The following MAD1L1 variants were observed in gnomAD, a reference collection of about 807,000 sequenced individuals.
MAD1L1 encodes mitotic arrest deficient 1 like 1, also known as mitotic spindle assembly checkpoint protein MAD1.
A neutral mutation model predicts 96.9 loss-of-function variants in MAD1L1; 95 were observed. The ratio of observed to expected loss-of-function variants is 0.98; its 90% CI spans 0.83 to 1.16. The LOEUF (loss-of-function observed/expected upper bound fraction) is 1.16, where lower values mean the gene tolerates loss of function less well. MAD1L1 is among the 50% of genes most tolerant of loss of function. The pLI is 0.00. For synonymous variants in MAD1L1, 473 were observed against 396.6 expected (o/e 1.19, Z -2.29); for missense variants, 1,007 against 954.4 (o/e 1.06, Z -0.73).
intron 18 of MAD1L1, among the ~76,000 whole-genome samples, chr7:1,860,316 C>A (rs1241950102): frequency 7.3e-6 from 1 of 136,850 alleles, no homozygotes; most frequent in East Asian, 2.3e-4. Flanking sequence ...TGACATCTGG[C>A]GGGGCGGCCT....
chr7:2,121,889 C>T (rs1190796536), intron 11 of MAD1L1, among the ~76,000 whole-genome samples: 1 of 152,206 alleles, frequency 6.6e-6, no homozygotes, highest in Non-Finnish European at 1.5e-5. Flanking sequence ...CAGACCCGTG[C>T]AGCAGCCAGA....
chr7:2,144,386 G>A lies in MAD1L1; in HGVS notation c.1073+4766C>T, dbSNP rs1373320426. Among the ~76,000 whole-genome samples, 8 of 152,324 alleles carry A rather than the reference G, an allele frequency of 5.3e-5. No individual in the cohort carries two copies. In the East Asian group the frequency reaches 1.4e-3, roughly 26 times the overall value. Reference sequence around the variant, plus strand: ...CCCTGGAGCCCTCACGGGGTCCTGAGAGGCCCCGCTCCCGCCACCAGCCCT... The same window carrying A: ...CCCTGGAGCCCTCACGGGGTCCTGAAAGGCCCCGCTCCCGCCACCAGCCCT... On this transcript the variant is annotated intron_variant, in intron 11 of 18. Transcript: ENST00000265854.
At chr7:2,095,612 G>A (rs1359805643) in intron 11 of MAD1L1, among the ~76,000 whole-genome samples, 1 of 152,234 alleles carries the variant, frequency 6.6e-6, no homozygotes, top group African/African-American at 2.4e-5. Flanking sequence ...ACGCAAGGAG[G>A]CGAGGTGGAC....
chr7:2,062,109 A>G (rs1304388996), intron 12 of MAD1L1, among the ~76,000 whole-genome samples: 2 of 151,672 alleles, frequency 1.3e-5, no homozygotes, highest in African/African-American at 4.9e-5. Context: ...GGGTATAGTG[A>G]CAGGCACCTG....
At chr7:1,941,576 C>T (rs775187799) in intron 16 of MAD1L1, among the ~76,000 whole-genome samples, 2 of 152,162 alleles carry the variant, frequency 1.3e-5, no homozygotes, top group South Asian at 2.1e-4. Context: ...GCAAAGCCAC[C>T]GTGTCCGGGC....
intron 11 of MAD1L1, among the ~76,000 whole-genome samples, chr7:2,071,233 G>A (rs1042792352): frequency 3.9e-5 from 6 of 152,180 alleles, no homozygotes; most frequent in East Asian, 1.9e-4. Flanking sequence ...TGAAATAAAG[G>A]ATAAGTTGAA....
rs1186563535 is a variant in MAD1L1 at position 2,222,120 on chromosome 7, C to T, written c.471+455G>A. On this transcript the variant is annotated intron_variant, in intron 5 of 18. Transcript: ENST00000265854. ...ACAGAGTCTTGCTGTGTTGCCCAGG[C>T]TGGAGTGCAATGGTGTGATCTGAGC... Among the ~76,000 whole-genome samples the T allele has an allele frequency of 2.7e-5, 4 of 150,470 alleles. No homozygotes were observed. The South Asian group carries it at 8.4e-4, about 31-fold the overall frequency.
intron 12 of MAD1L1, among the ~76,000 whole-genome samples, chr7:2,056,004 A>T (rs79988758): frequency 0.021 from 3,193 of 152,296 alleles, 112 homozygotes; most frequent in African/African-American, 0.073. Flanking sequence ...AATAAATAAA[A>T]AACACAAATC....
intron 11 of MAD1L1, among the ~76,000 whole-genome samples, chr7:2,143,461 A>T (rs1272574534): frequency 6.6e-6 from 1 of 151,664 alleles, no homozygotes; most frequent in African/African-American, 2.4e-5. Context: ...CATAACTAGT[A>T]AACTGATCTT....
intron 11 of MAD1L1, among the ~76,000 whole-genome samples, chr7:2,098,903 C>T (rs1321008472): frequency 6.6e-6 from 1 of 152,196 alleles, no homozygotes; most frequent in East Asian, 1.9e-4. Context: ...AGACGCTACT[C>T]GAACTGGACC....
intron 16 of MAD1L1, among the ~76,000 whole-genome samples, chr7:1,943,679 G>A (rs570424043): frequency 2.0e-5 from 3 of 152,196 alleles, no homozygotes; most frequent in Admixed American, 6.5e-5. Flanking sequence ...CAGTCTGGCA[G>A]TTCCTCCAAT....
chr7:1,924,172 G>A (rs1043916981), intron 17 of MAD1L1, among the ~76,000 whole-genome samples: 1 of 152,226 alleles, frequency 6.6e-6, no homozygotes, highest in African/African-American at 2.4e-5. Flanking sequence ...GCAAGTGATT[G>A]GAAAACACAG....
chr7:1,956,008 G>A (rs1406859072), intron 16 of MAD1L1, among the ~76,000 whole-genome samples: 2 of 151,518 alleles, frequency 1.3e-5, no homozygotes, highest in East Asian at 1.9e-4. Flanking sequence ...TGGCAGGGGG[G>A]AGCGGGAGGC....
intron 16 of MAD1L1, among the ~76,000 whole-genome samples, chr7:1,956,207 C>T (rs1284413212): frequency 6.6e-6 from 1 of 152,198 alleles, no homozygotes; most frequent in Non-Finnish European, 1.5e-5. Context: ...GCCTGTGAGG[C>T]CTCACCTTCC....
intron 18 of MAD1L1, among the ~76,000 whole-genome samples, chr7:1,840,324 G>A (rs1783181344): frequency 6.6e-6 from 1 of 152,186 alleles, no homozygotes; most frequent in African/African-American, 2.4e-5. Context: ...ACCTCCTCCA[G>A]GCAGCCTTCC....
intron 14 of MAD1L1, among the ~76,000 whole-genome samples, chr7:1,997,236 T>C (rs958501992): frequency 6.6e-6 from 1 of 152,210 alleles, no homozygotes; most frequent in Admixed American, 6.5e-5. Flanking sequence ...AAAATGACTT[T>C]GGGTTGGAAA....
intron 10 of MAD1L1, among the ~76,000 whole-genome samples, chr7:2,157,463 C>G (rs1042700416): frequency 6.6e-6 from 1 of 152,210 alleles, no homozygotes; most frequent in Non-Finnish European, 1.5e-5. Flanking sequence ...GCTCCCGACA[C>G]GGAAGACGCT....
At chr7:1,884,347 G>A (rs1054883038) in intron 18 of MAD1L1, among the ~76,000 whole-genome samples, 5 of 152,184 alleles carry the variant, frequency 3.3e-5, no homozygotes, top group African/African-American at 7.2e-5. Context: ...CCACATGTCC[G>A]GGCAGCCACC....
intron 18 of MAD1L1, among the ~76,000 whole-genome samples, chr7:1,843,170 C>A (rs1183181303): frequency 6.6e-6 from 1 of 152,188 alleles, no homozygotes; most frequent in East Asian, 1.9e-4. Flanking sequence ...GTCTGGGTGC[C>A]CTCGTTGCCC....
Sources: allele counts gnomAD v4.1 joint callset (sites outside exome capture counted in the v4.1 genomes callset), GRCh38; gene constraint gnomAD v4.1.1; transcripts MANE v1.5; gene names NCBI Gene and HGNC (gene_info 2026-07-23, HGNC 2026-07-21).